Variants in DCDC1 observed in about 807,000 individuals in gnomAD.
DCDC1 encodes the protein doublecortin domain-containing protein 1.
A neutral mutation model predicts 178.3 loss-of-function variants in DCDC1; 200 were observed. The observed-to-expected ratio is 1.12, with a 90% confidence interval of 1.00 to 1.26. The LOEUF (loss-of-function observed/expected upper bound fraction) is 1.26, where lower values mean the gene tolerates loss of function less well. Ranked by LOEUF, DCDC1 falls within the 50% of genes most tolerant of loss-of-function variation. The pLI is 0.00. For synonymous variants in DCDC1, 690 were observed against 604.8 expected, an observed-to-expected ratio of 1.14 and a Z score of -2.07; for missense variants, 1,983 against 1,749.2, an observed-to-expected ratio of 1.13 and a Z score of -2.38.
chr11:30,963,262 G>A (rs1376773329), intron 20 of DCDC1, among the ~76,000 whole-genome samples: 1 of 152,014 alleles, frequency 6.6e-6, no homozygotes, highest in African/African-American at 2.4e-5. Flanking sequence ...ATGATTCTTC[G>A]AGTAAAGACA....
intron 18 of DCDC1, among the ~76,000 whole-genome samples, chr11:31,069,142 C>T (rs538241032): frequency 3.9e-5 from 6 of 152,178 alleles, no homozygotes; most frequent in South Asian, 2.1e-4. Flanking sequence ...TGAGCCACCG[C>T]GCCTGGCCCA....
chr11:30,884,033 A>ATTTTTTTTTTTTTTTTTT lies in DCDC1; in HGVS notation c.5083-2726_5083-2725insAAAAAAAAAAAAAAAAAA, dbSNP rs59940255. Among the ~76,000 whole-genome samples, 247 of 95,732 alleles carry ATTTTTTTTTTTTTTTTTT rather than the reference A, an allele frequency of 2.6e-3. 32 individuals carry two copies. Among genetic ancestry groups the ATTTTTTTTTTTTTTTTTT allele is most frequent in the Non-Finnish European group, 3.4e-3 (171 of 49,894 alleles). The allele number at this position is 95,732 out of a possible 152,430, so 62.8% of individuals were successfully genotyped here. A position where few individuals can be genotyped will look rare whatever the true frequency, so the allele number is the denominator to read the frequency against. On this transcript the variant is annotated intron_variant, in intron 36 of 38. Transcript: ENST00000684477. ...AAAGAAAACCAAAGCATTCTTTCTCATTTTTTTTTTTTTTTGAGACAGGGT... is the reference window on the plus strand; with the variant it reads ...AAAGAAAACCAAAGCATTCTTTCTCATTTTTTTTTTTTTTTTTTTTTTTTTTTTTTTTTGAGACAGGGT...
intron 17 of DCDC1, among the ~76,000 whole-genome samples, chr11:31,090,318 C>G (rs181668314): frequency 3.5e-4 from 54 of 152,306 alleles, no homozygotes; most frequent in Admixed American, 1.2e-3. Flanking sequence ...CTTTAACTGA[C>G]TGACAGTGTA....
intron 3 of DCDC1, among the ~76,000 whole-genome samples, chr11:31,326,527 C>T (rs1949657372): frequency 6.6e-6 from 1 of 152,070 alleles, no homozygotes; most frequent in African/African-American, 2.4e-5. Context: ...TATAAAGGAA[C>T]ATTTAATCCT....
At chr11:31,214,269 G>A (rs1178957411) in intron 9 of DCDC1, among the ~76,000 whole-genome samples, 1 of 152,086 alleles carries the variant, frequency 6.6e-6, no homozygotes, top group Non-Finnish European at 1.5e-5. Context: ...TTACCGAGAT[G>A]AAAATCTTGG....
intron 20 of DCDC1, among the ~76,000 whole-genome samples, chr11:31,044,076 C>T (rs977686342): frequency 4.6e-5 from 7 of 151,912 alleles, no homozygotes; most frequent in African/African-American, 1.7e-4. Flanking sequence ...CACAGCGGAC[C>T]TCAAGACAGG....
intron 20 of DCDC1, among the ~76,000 whole-genome samples, chr11:31,010,931 A>G (rs1952129752): frequency 6.6e-6 from 1 of 152,180 alleles, no homozygotes; most frequent in East Asian, 1.9e-4. Context: ...TATTTAGAAT[A>G]TGTAAACTAA....
chr11:31,220,841 T>A (rs563308752), intron 9 of DCDC1, among the ~76,000 whole-genome samples: 9 of 152,286 alleles, frequency 5.9e-5, no homozygotes, highest in African/African-American at 2.2e-4. Context: ...GCGAGTATGG[T>A]CAAGTTCTTT....
chr11:31,345,769 G>C (rs899830460), intron 1 of DCDC1, among the ~76,000 whole-genome samples: 7 of 152,044 alleles, frequency 4.6e-5, no homozygotes, highest in African/African-American at 1.4e-4. Context: ...TATAATTCAG[G>C]AGAAACAAAT....
At chr11:31,120,848 C>A (rs1237158693) in intron 11 of DCDC1, among the ~76,000 whole-genome samples, 4 of 152,128 alleles carry the variant, frequency 2.6e-5, no homozygotes, top group Non-Finnish European at 4.4e-5. Flanking sequence ...TTTGCTAATA[C>A]CCTTTCCCAG....
chr11:31,209,804 G>A (rs763888895), intron 9 of DCDC1, among the ~76,000 whole-genome samples: 1 of 152,144 alleles, frequency 6.6e-6, no homozygotes, highest in African/African-American at 2.4e-5. Flanking sequence ...GAAGAATTGT[G>A]GAAAGACCTC....
intron 10 of DCDC1, among the ~76,000 whole-genome samples, chr11:31,131,197 A>AG (rs1326878063): frequency 6.6e-6 from 1 of 150,634 alleles, no homozygotes; most frequent in Admixed American, 6.6e-5. Flanking sequence ...TCAAAAAAAA[A>AG]AAAAAAGAAA....
chr11:31,158,920 A>T (rs1163054346), intron 9 of DCDC1, among the ~76,000 whole-genome samples: 1 of 152,164 alleles, frequency 6.6e-6, no homozygotes, highest in Non-Finnish European at 1.5e-5. Context: ...CCCAAATATC[A>T]TTCTCATAAT....
At chr11:31,102,430 C>T (rs2135738985) in intron 14 of DCDC1, 148 bp from the exon 15 acceptor site, 1 of 455,444 alleles carries the variant, frequency 2.2e-6, no homozygotes, top group African/African-American at 1.9e-5. Context: ...TGGAAAGTAC[C>T]AGCAGTCATT....
chr11:31,264,831 T>C (rs1945035415), intron 8 of DCDC1, among the ~76,000 whole-genome samples: 1 of 152,190 alleles, frequency 6.6e-6, no homozygotes, highest in African/African-American at 2.4e-5. Context: ...CTAAAACCAA[T>C]TGTTCTCATC....
chr11:30,950,436 C>A (rs1023753439), intron 21 of DCDC1, among the ~76,000 whole-genome samples: 1 of 152,060 alleles, frequency 6.6e-6, no homozygotes, highest in Non-Finnish European at 1.5e-5. Context: ...TTCATAATGG[C>A]AAAATATGGA....
chr11:31,174,697 G>A (rs528883336), intron 9 of DCDC1, among the ~76,000 whole-genome samples: 3 of 152,146 alleles, frequency 2.0e-5, no homozygotes, highest in African/African-American at 7.2e-5. Context: ...CCCCTCTGAA[G>A]CCCATTAAAA....
At chr11:30,874,953 T>C (rs1590185432) in intron 38 of DCDC1, among the ~76,000 whole-genome samples, 1 of 152,178 alleles carries the variant, frequency 6.6e-6, no homozygotes. Flanking sequence ...TTACTTGCCA[T>C]AGATATAGAA....
intron 15 of DCDC1, among the ~76,000 whole-genome samples, chr11:31,094,537 C>T (rs1261565654): frequency 5.3e-5 from 8 of 152,092 alleles, no homozygotes; most frequent in African/African-American, 1.2e-4. Context: ...AAAAATGGTA[C>T]GCTCATTTCT....
Sources: allele counts gnomAD v4.1 joint callset (sites outside exome capture counted in the v4.1 genomes callset), GRCh38; gene constraint gnomAD v4.1.1; transcripts MANE v1.5; gene names NCBI Gene and HGNC (gene_info 2026-07-23, HGNC 2026-07-21).